LSAMP: variants seen among roughly 807,000 people sequenced by gnomAD.
LSAMP encodes the protein limbic system-associated membrane protein.
LSAMP carries 7 observed loss-of-function variants against 38.6 expected under a neutral mutation model. The ratio of observed to expected loss-of-function variants is 0.18; its 90% CI spans 0.10 to 0.34. The LOEUF (loss-of-function observed/expected upper bound fraction) is 0.34. LSAMP is among the 10% of genes least tolerant of loss of function. The pLI, the probability that LSAMP is intolerant of heterozygous loss-of-function variation, is 1.00. For missense variants in LSAMP, 313 were observed against 420.0 expected (o/e 0.75, Z 2.23); for synonymous variants, 154 against 166.8 (o/e 0.92, Z 0.59).
intron 1 of LSAMP, among the ~76,000 whole-genome samples, chr3:116,442,769 T>A (rs192938529): frequency 3.3e-5 from 5 of 152,198 alleles, no homozygotes; most frequent in Non-Finnish European, 7.3e-5. Context: ...TAAGTGGTTC[T>A]GTGTTTATTT....
At chr3:115,959,608 G>A (rs1473540860) in intron 3 of LSAMP, among the ~76,000 whole-genome samples, 2 of 152,108 alleles carry the variant, frequency 1.3e-5, no homozygotes, top group African/African-American at 2.4e-5. Flanking sequence ...AACTAGCCTT[G>A]TGACCTCAGA....
At chr3:116,135,795 G>A (rs1297028997) in intron 1 of LSAMP, among the ~76,000 whole-genome samples, 3 of 152,174 alleles carry the variant, frequency 2.0e-5, no homozygotes, top group Non-Finnish European at 4.4e-5. Context: ...CGATTACGAA[G>A]TTTCAAATGA....
rs147773484 is a variant in LSAMP, at chr3:116,106,231, G to A, written c.156-19675C>T. ...AGTTTAGAGTAGCAGTTTGGGGATAGCACCAGGAGATATCAGCTGTAATGG... is the reference window on the plus strand; with the variant it reads ...AGTTTAGAGTAGCAGTTTGGGGATAACACCAGGAGATATCAGCTGTAATGG... On this transcript the variant is annotated intron_variant, in intron 1 of 6. Coordinates refer to ENST00000490035, the MANE Select transcript of LSAMP (RefSeq NM_002338.5). Among the ~76,000 whole-genome samples the A allele has an allele frequency of 1.5e-3, 231 of 152,308 alleles. 1 individual carries two copies. Among genetic ancestry groups the A allele is most frequent in the African/African-American group, 5.5e-3 (229 of 41,558 alleles).
intron 1 of LSAMP, among the ~76,000 whole-genome samples, chr3:116,184,421 G>T (rs1235906550): frequency 6.6e-6 from 1 of 151,922 alleles, no homozygotes; most frequent in Non-Finnish European, 1.5e-5. Context: ...TTGGAGGTAA[G>T]TACAGAAGTT....
At chr3:116,074,173 T>G (rs952188015) in intron 2 of LSAMP, among the ~76,000 whole-genome samples, 1 of 152,220 alleles carries the variant, frequency 6.6e-6, no homozygotes, top group Non-Finnish European at 1.5e-5. Flanking sequence ...GTAGGTGCAC[T>G]GGAATCTTAA....
intron 3 of LSAMP, among the ~76,000 whole-genome samples, chr3:116,016,076 A>C (rs1940473652): frequency 6.6e-6 from 1 of 152,086 alleles, no homozygotes; most frequent in Non-Finnish European, 1.5e-5. Context: ...CACAGGGAGC[A>C]GAGTCTCTTC....
At chr3:116,007,128 A>T (rs1050801205) in intron 3 of LSAMP, among the ~76,000 whole-genome samples, 1 of 152,030 alleles carries the variant, frequency 6.6e-6, no homozygotes, top group African/African-American at 2.4e-5. Context: ...TTCTCTTCCC[A>T]TCATCAGATT....
intron 1 of LSAMP, among the ~76,000 whole-genome samples, chr3:116,309,340 T>C (rs1375356471): frequency 6.6e-6 from 1 of 152,106 alleles, no homozygotes; most frequent in African/African-American, 2.4e-5. Context: ...ACAACAGAAC[T>C]TTCTGTGACA....
intron 3 of LSAMP, among the ~76,000 whole-genome samples, chr3:115,914,296 A>C (rs1937199108): frequency 6.6e-6 from 1 of 152,158 alleles, no homozygotes; most frequent in African/African-American, 2.4e-5. Flanking sequence ...GTTTAGAGGG[A>C]ATCCTCTAAC....
chr3:115,839,737 T>C (rs745718224), intron 6 of LSAMP, among the ~76,000 whole-genome samples: 2 of 152,214 alleles, frequency 1.3e-5, no homozygotes, highest in Non-Finnish European at 2.9e-5. Context: ...GTAGTGCCTA[T>C]GTGGGACCAC....
At chr3:115,891,203 A>G (rs756361730) in intron 3 of LSAMP, among the ~76,000 whole-genome samples, 1 of 151,936 alleles carries the variant, frequency 6.6e-6, no homozygotes, top group African/African-American at 2.4e-5. Flanking sequence ...TCCTCCATCC[A>G]TGTATACATA....
chr3:116,296,909 A>AACTT (rs2047342508), intron 1 of LSAMP, among the ~76,000 whole-genome samples: 1 of 152,160 alleles, frequency 6.6e-6, no homozygotes, highest in South Asian at 2.1e-4. Flanking sequence ...AGTCCTGTGG[A>AACTT]ACTTAAATGA....
chr3:115,833,691 G>A (rs11926542), intron 6 of LSAMP, among the ~76,000 whole-genome samples: 5,505 of 152,162 alleles, frequency 0.036, 351 homozygotes, highest in African/African-American at 0.12. Context: ...CCTTTATGGT[G>A]TGTATGATAA....
chr3:116,235,865 G>T (rs2046460616), intron 1 of LSAMP, among the ~76,000 whole-genome samples: 2 of 152,144 alleles, frequency 1.3e-5, no homozygotes, highest in Admixed American at 6.6e-5. Context: ...CCCAGATACT[G>T]TGATGGAATT....
At chr3:116,066,169 T>C (rs995473665) in intron 2 of LSAMP, among the ~76,000 whole-genome samples, 26 of 152,254 alleles carry the variant, frequency 1.7e-4, no homozygotes, top group Admixed American at 1.6e-3. Context: ...ACTTTTCACT[T>C]TGTCCTCACA....
At chr3:115,985,864 G>A (rs1939496160) in intron 3 of LSAMP, among the ~76,000 whole-genome samples, 1 of 152,170 alleles carries the variant, frequency 6.6e-6, no homozygotes, top group Non-Finnish European at 1.5e-5. Context: ...AATCTCATGA[G>A]ACTCTGAGGC....
At chr3:116,411,882 G>T (rs974754836) in intron 1 of LSAMP, among the ~76,000 whole-genome samples, 11 of 151,848 alleles carry the variant, frequency 7.2e-5, no homozygotes, top group Admixed American at 2.0e-4. Flanking sequence ...GCCAGAGAGG[G>T]TTAATTATTG....
intron 1 of LSAMP, among the ~76,000 whole-genome samples, chr3:116,152,911 A>T (rs1193422482): frequency 6.6e-6 from 1 of 152,098 alleles, no homozygotes; most frequent in Non-Finnish European, 1.5e-5. Context: ...CACTGTGAAG[A>T]GCATAAACAA....
chr3:116,176,887 T>G lies in LSAMP; in HGVS notation c.156-90331A>C, dbSNP rs1472910938. ...AAAAAGCTTCCAATAATCGAAGCGT[T>G]CTTTAAGGTTAGTATTAGGTTTCTA... is the stretch of plus-strand genomic sequence containing the variant. On this transcript the variant is annotated intron_variant, in intron 1 of 6. Transcript: ENST00000490035. Among the ~76,000 whole-genome samples the G allele has an allele frequency of 4.6e-5, 7 of 152,180 alleles. No homozygotes were observed. In the East Asian group the frequency reaches 1.3e-3, roughly 29 times the overall value.
Sources: allele counts gnomAD v4.1 joint callset (sites outside exome capture counted in the v4.1 genomes callset), GRCh38; gene constraint gnomAD v4.1.1; transcripts MANE v1.5; gene names NCBI Gene and HGNC (gene_info 2026-07-23, HGNC 2026-07-21).